ATP2B3: variants seen among roughly 807,000 people sequenced by gnomAD.
The protein encoded by ATP2B3 is ATPase plasma membrane Ca2+ transporting 3, also known as plasma membrane calcium-transporting ATPase 3.
Under a neutral mutation model 70.8 loss-of-function variants are expected in ATP2B3, and 12 were observed. The ratio of observed to expected loss-of-function variants is 0.17; its 90% CI spans 0.11 to 0.27. The LOEUF (loss-of-function observed/expected upper bound fraction) is 0.27, where lower values mean the gene tolerates loss of function less well. Among genes scored for constraint, ATP2B3 ranks in the 10% least tolerant of loss-of-function variants. The probability of loss-of-function intolerance (pLI) is 1.00; values close to 1 mark genes in which losing one functional copy is unlikely to be tolerated. For missense variants in ATP2B3, 858 were observed against 1,118.5 expected, an observed-to-expected ratio of 0.77 and a Z score of 3.32; for synonymous variants, 460 against 497.8, an observed-to-expected ratio of 0.92 and a Z score of 1.01.
intron 3 of ATP2B3, among the ~76,000 whole-genome samples, chrX:153,537,259 A>C (rs1009871518): frequency 8.8e-6 from 1 of 113,408 alleles, no homozygotes; most frequent in African/African-American, 3.2e-5. Context: ...TCCAGGAGCC[A>C]CAGCATTCTC....
chrX:153,567,699 C>T (rs1240703475), intron 21 of ATP2B3, among the ~76,000 whole-genome samples: 2 of 111,655 alleles, frequency 1.8e-5, no homozygotes, highest in Non-Finnish European at 3.8e-5. Flanking sequence ...TTCCAATTGT[C>T]GGTGCTCACA....
In ATP2B3 at chrX:153,550,075, C is replaced by A. The variant is rs1288628380; in HGVS notation, c.1612C>A (p.Gln538Lys). The A allele has an allele frequency of 8.3e-7, 1 of 1,210,819 alleles. No individual in the cohort carries two copies. Among genetic ancestry groups the A allele is most frequent in the Non-Finnish European group, 1.1e-6 (1 of 894,822 alleles). The change falls in exon 12 of 22, where the codon CAG becomes AAG. Residue 538 changes from glutamine to lysine, a missense_variant. Physicochemically the swap from Gln to Lys is moderately conservative, Grantham distance 53. Transcript: ENST00000263519. ...TGAGAAGGAAGGCGCCCTCCCACGC[C>A]AGGTGGGCAATAAGACGGAGTGCGC... ...PPEKEGALPR[Q>K]VGNKTECALL...
At chrX:153,563,136 CT>C (rs36131654) in intron 20 of ATP2B3, among the ~76,000 whole-genome samples, 3,908 of 48,522 alleles carry the variant, frequency 0.081, 118 homozygotes, top group African/African-American at 0.18. Context: ...CTGGCTTTTC[CT>C]TTTTTTTTTT....
intron 21 of ATP2B3, among the ~76,000 whole-genome samples, chrX:153,567,285 C>T (rs1377849113): frequency 1.8e-5 from 2 of 113,461 alleles, no homozygotes; most frequent in Non-Finnish European, 3.7e-5. Flanking sequence ...TTAAACACAT[C>T]GAATGTTAGA....
chrX:153,556,344 G>C lies in ATP2B3; in HGVS notation c.2252G>C (p.Arg751Pro), dbSNP rs782550835. ...TCCCCTCCCCAGATAGAACAGGAGC[G>C]GCTGGACAAGGTGTGGCCCAAGCTG... Reference protein sequence around the residue: ...RNEKGEIEQERLDKVWPKLRV... With the variant: ...RNEKGEIEQEPLDKVWPKLRV... The change falls in exon 15 of 22, where the codon CGG (arginine) becomes CCG (proline). Residue 751 changes from arginine (R) to proline (P), a missense_variant. Transcript: ENST00000263519. 4.1e-6 allele frequency: 5 copies of C among 1,206,711 alleles called. No individual in the cohort carries two copies. The highest frequency in any genetic ancestry group is 5.6e-6 in the Non-Finnish European group (5 of 893,537).
intron 2 of ATP2B3, among the ~76,000 whole-genome samples, 141 bp downstream of exon 2, chrX:153,518,692 G>C (rs931218049): frequency 9.0e-6 from 1 of 111,179 alleles, no homozygotes; most frequent in Non-Finnish European, 1.9e-5. Flanking sequence ...GCATGGCGCC[G>C]GGGCAGGTCA....
intron 15 of ATP2B3, 117 bp from the exon 16 acceptor site, chrX:153,556,800 G>C: frequency 1.4e-6 from 1 of 694,734 alleles, no homozygotes; most frequent in Non-Finnish European, 2.2e-6. Flanking sequence ...CAGTCAGGAC[G>C]GGGTAATCCC....
intron 7 of ATP2B3, among the ~76,000 whole-genome samples, 171 bp downstream of exon 7, chrX:153,543,339 C>A (rs782493609): frequency 2.9e-4 from 33 of 112,295 alleles, no homozygotes; most frequent in Non-Finnish European, 5.1e-4. Context: ...CTGAGGATAT[C>A]CCCCCTGAGA....
intron 21 of ATP2B3, among the ~76,000 whole-genome samples, chrX:153,575,536 C>T (rs2090844947): frequency 9.1e-6 from 1 of 109,784 alleles, no homozygotes; most frequent in Admixed American, 9.7e-5. Flanking sequence ...GGGCTTGTAG[C>T]GGGGGAGACC....
chrX:153,578,153 A>C (rs2090879626), intron 21 of ATP2B3, among the ~76,000 whole-genome samples: 1 of 112,397 alleles, frequency 8.9e-6, no homozygotes, highest in Non-Finnish European at 1.9e-5. Context: ...AACCAGTAAA[A>C]TTTTATTAAC....
chrX:153,564,226 G>T (rs1569535526), intron 20 of ATP2B3, among the ~76,000 whole-genome samples: 1 of 112,962 alleles, frequency 8.9e-6, no homozygotes, highest in African/African-American at 3.2e-5. Flanking sequence ...CTCTCCCAGG[G>T]GAGTTGCGCA....
At chrX:153,543,576 A>T (rs2090319868) in intron 7 of ATP2B3, among the ~76,000 whole-genome samples, 1 of 112,373 alleles carries the variant, frequency 8.9e-6, no homozygotes, top group Non-Finnish European at 1.9e-5. Context: ...AGGTCAGAGG[A>T]GGCTGGGACA....
intron 12 of ATP2B3, among the ~76,000 whole-genome samples, chrX:153,550,886 G>A (rs1368904392): frequency 9.0e-6 from 1 of 111,648 alleles, no homozygotes; most frequent in African/African-American, 3.3e-5. Context: ...ATGAGCCACT[G>A]CCACCAGCCC....
At chrX:153,523,705 T>C (rs1371007879) in intron 2 of ATP2B3, among the ~76,000 whole-genome samples, 1 of 25,682 alleles carries the variant, frequency 3.9e-5, no homozygotes, top group Admixed American at 6.4e-4. Context: ...TTTTTTTTTT[T>C]TTTTTTCCCT....
At chrX:153,548,337 G>T (rs1252656721) in intron 9 of ATP2B3, among the ~76,000 whole-genome samples, 1 of 111,159 alleles carries the variant, frequency 9.0e-6, no homozygotes, top group Non-Finnish European at 1.9e-5. Context: ...AACTTCTGGG[G>T]TGCAGTGGGG....
rs201552403 is a variant in ATP2B3, at chrX:153,556,255, G to C, written c.2238+27G>C. ...TAGCACCCGGCTGTCTGCCACCCCA[G>C]ACCCCCCTTCTCCTCACCCCAGCCC... On this transcript the variant is annotated intron_variant, in intron 14 of 21. Transcript: ENST00000263519. The C allele has an allele frequency of 3.6e-4, 428 of 1,200,652 alleles. No homozygotes were observed. In the East Asian group the frequency reaches 0.011, roughly 30 times the overall value.
chrX:153,561,736 T>G (rs1557016349), intron 19 of ATP2B3, among the ~76,000 whole-genome samples: 1 of 112,540 alleles, frequency 8.9e-6, no homozygotes, highest in Admixed American at 9.3e-5. Flanking sequence ...GGGGTCAGTT[T>G]GCATTTGGAC....
intron 2 of ATP2B3, among the ~76,000 whole-genome samples, chrX:153,532,463 G>A (rs1234402695): frequency 2.7e-5 from 3 of 112,100 alleles, no homozygotes; most frequent in Admixed American, 9.3e-5. Flanking sequence ...TCTGAGCCTA[G>A]TTGGGAGGTG....
intron 5 of ATP2B3, 152 bp downstream of exon 5, chrX:153,542,078 AGGTGGGGG>A: frequency 1.3e-4 from 9 of 69,783 alleles, no homozygotes; most frequent in Non-Finnish European, 2.0e-4. Context: ...GGGGTGGGGG[AGGTGGGGG>A]AACACGGGGC....
Sources: gnomAD v4.1 joint callset for allele counts (sites outside exome capture counted in the v4.1 genomes callset) on GRCh38, gnomAD v4.1.1 for gene constraint, MANE v1.5 for transcripts, NCBI Gene and HGNC (gene_info 2026-07-23, HGNC 2026-07-21) for gene names.